NEMF: variants seen among roughly 807,000 people sequenced by gnomAD.
NEMF encodes nuclear export mediator factor.
In NEMF, 89 loss-of-function variants were observed where a neutral mutation model predicts 162.2. That is an observed-to-expected ratio of 0.55 (90% CI 0.46 to 0.65). NEMF has a LOEUF of 0.65. Among genes scored for constraint, NEMF ranks in the 30% least tolerant of loss-of-function variants. The pLI, the probability that NEMF is intolerant of heterozygous loss-of-function variation, is 0.00. For missense variants in NEMF, 1,133 were observed against 1,261.9 expected (o/e 0.90, Z 1.55); for synonymous variants, 421 against 404.5 (o/e 1.04, Z -0.49).
At position 49,833,467 on chromosome 14, in the gene NEMF, T is replaced by C. The variant is rs1892744501; in HGVS notation, c.691A>G (p.Lys231Glu). ...GTTGTTTTCATATAGTCTTCTGCTT[T>C]CTGCAGAGAAACAAGTACTTTTTCA... ...DIEKVLVSLQ[K>E]AEDYMKTTSN... The change falls in exon 8 of 33, where the codon AAA becomes GAA. Residue 231 changes from lysine to glutamate, a missense_variant. Lys to Glu is a moderately conservative substitution (Grantham distance 56). Coordinates refer to ENST00000298310, the MANE Select transcript of NEMF (RefSeq NM_004713.6). 2 of 1,587,050 alleles carry C rather than the reference T, an allele frequency of 1.3e-6. No homozygotes were observed. The highest frequency in any genetic ancestry group is 1.1e-5 in the South Asian group (1 of 87,770).
At chr14:49,838,310 A>T (rs1457246009) in intron 5 of NEMF, 104 bp from the exon 6 acceptor site, 2 of 833,238 alleles carry the variant, frequency 2.4e-6, no homozygotes, top group Non-Finnish European at 3.9e-6. Context: ...TGATCTTTAC[A>T]ATAATCTGAA....
chr14:49,790,991 C>T (rs1890414610), intron 26 of NEMF, among the ~76,000 whole-genome samples: 1 of 151,656 alleles, frequency 6.6e-6, no homozygotes, highest in African/African-American at 2.4e-5. Flanking sequence ...AAAACTCTGT[C>T]TCAAAAAACA....
chr14:49,788,351 G>A (rs1890277800), intron 28 of NEMF, among the ~76,000 whole-genome samples: 1 of 151,138 alleles, frequency 6.6e-6, no homozygotes, highest in Admixed American at 6.6e-5. Flanking sequence ...TGGGCTTGCT[G>A]TACTGTTAAT....
At chr14:49,841,923 T>C (rs1594802878) in intron 4 of NEMF, among the ~76,000 whole-genome samples, 1 of 151,960 alleles carries the variant, frequency 6.6e-6, no homozygotes, top group African/African-American at 2.4e-5. Context: ...CTGACCAACA[T>C]GGAGAAACCC....
chr14:49,785,650 G>A (rs1890136912), intron 29 of NEMF: 1 of 241,100 alleles, frequency 4.1e-6, no homozygotes, highest in African/African-American at 2.3e-5. Context: ...GGAAGGCTCA[G>A]GCTGAGGCGG....
intron 27 of NEMF, 64 bp from the exon 28 acceptor site, chr14:49,789,407 G>T (rs921171672): frequency 2.5e-6 from 4 of 1,608,696 alleles, no homozygotes; most frequent in Non-Finnish European, 3.4e-6. Context: ...ATTTTAACAA[G>T]AATGTATTGA....
At chr14:49,787,623 CT>C (rs1441824364) in intron 28 of NEMF, among the ~76,000 whole-genome samples, 1 of 152,208 alleles carries the variant, frequency 6.6e-6, no homozygotes, top group African/African-American at 2.4e-5. Flanking sequence ...AAGGCCCAAC[CT>C]CTTAATACCA....
chr14:49,808,124 T>C lies in NEMF; in HGVS notation c.1745-1991A>G, dbSNP rs552424663. ...TTTGCAAATATTTTCTCTTATTCTGTGGGTTGTCTTTTTACTTTCTTGATA... is the reference window on the plus strand; with the variant it reads ...TTTGCAAATATTTTCTCTTATTCTGCGGGTTGTCTTTTTACTTTCTTGATA... On this transcript the variant is annotated intron_variant, in intron 18 of 32. Transcript: ENST00000298310. 2.6e-5 allele frequency among the ~76,000 whole-genome samples: 4 copies of C among 152,232 alleles called. No individual in the cohort carries two copies. The South Asian group carries it at 8.3e-4, about 32-fold the overall frequency.
chr14:49,822,757 T>A lies in NEMF; in HGVS notation c.1577+3110A>T, dbSNP rs554028826. Among the ~76,000 whole-genome samples, 3 of 150,312 alleles carry A rather than the reference T, an allele frequency of 2.0e-5. No homozygotes were observed. In the East Asian group the frequency reaches 5.8e-4, roughly 29 times the overall value. The stretch of plus-strand genomic sequence containing the variant: ...TGCAGGGATGAAAAGGATGACAATG[T>A]CTATGTGTGTGATAGATTGTGGAAA... On this transcript the variant is annotated intron_variant, in intron 16 of 32. Transcript: ENST00000298310.
intron 29 of NEMF, chr14:49,786,422 T>C (rs1244649470): frequency 2.9e-6 from 1 of 344,220 alleles, no homozygotes; most frequent in Non-Finnish European, 5.3e-6. Flanking sequence ...TTTGAGTGTT[T>C]GCTATGTGCC....
At chr14:49,798,704 G>A (rs181894845) in intron 25 of NEMF, among the ~76,000 whole-genome samples, 1 of 152,068 alleles carries the variant, frequency 6.6e-6, no homozygotes, top group Non-Finnish European at 1.5e-5. Flanking sequence ...TCAGAAGATC[G>A]AGACTATCCT....
intron 4 of NEMF, chr14:49,844,760 C>CACACAA (rs1893404453): frequency 3.2e-6 from 1 of 315,854 alleles, no homozygotes; most frequent in African/African-American, 2.3e-5. Context: ...CACACACACA[C>CACACAA]ACACATATAT....
intron 3 of NEMF, among the ~76,000 whole-genome samples, chr14:49,848,380 T>C (rs1893613042): frequency 6.6e-6 from 1 of 152,200 alleles, no homozygotes; most frequent in African/African-American, 2.4e-5. Flanking sequence ...CAATACCTAC[T>C]CTTTTAGATT....
Position 49,802,576 on chromosome 14 carries a change from A to G in NEMF, c.1975-3T>C. On this transcript the variant is annotated splice_region_variant and splice_polypyrimidine_tract_variant and intron_variant, in intron 21 of 32. Coordinates refer to ENST00000298310, the MANE Select transcript of NEMF (RefSeq NM_004713.6). ...CTCCAAACACAAGACTCATCTACCT[A>G]AAGAAACAGTTATTTTTCAGTGACG... 3 of 1,613,468 alleles carry G rather than the reference A, an allele frequency of 1.9e-6. No homozygotes were observed. The highest frequency in any genetic ancestry group is 2.5e-6 in the Non-Finnish European group (3 of 1,179,874).
At chr14:49,803,674 C>T (rs1036513586) in intron 19 of NEMF, among the ~76,000 whole-genome samples, 2 of 152,066 alleles carry the variant, frequency 1.3e-5, no homozygotes, top group African/African-American at 4.8e-5. Context: ...TACAGGCACG[C>T]ACCACCATGC....
At position 49,846,211 on chromosome 14, in the gene NEMF, C is replaced by A; in HGVS notation, c.286G>T (p.Asp96Tyr). The change falls in exon 4 of 33, where the codon GAT becomes TAT. Residue 96 changes from aspartate to tyrosine, a missense_variant. Asp to Tyr is a radical substitution (Grantham distance 160, BLOSUM62 -3). This residue lies in a region of NEMF where 582 missense variants were observed against 631.5 expected (regional missense o/e 0.92). Transcript: ENST00000298310. ...RLVSAKQLGV[D>Y]RIVDFQFGSD... ...CCAAATTGAAAATCTACAATTCTAT[C>A]CACACCAAGCTGTTTTGCACTGACT... 6.2e-7 allele frequency: 1 copy of A among 1,613,770 alleles called. No individual in the cohort carries two copies. Among genetic ancestry groups the A allele is most frequent in the Non-Finnish European group, 8.5e-7 (1 of 1,179,734 alleles).
At chr14:49,852,508 TG>T (rs2140044693) in intron 1 of NEMF, among the ~76,000 whole-genome samples, 186 bp downstream of exon 1, 1 of 152,378 alleles carries the variant, frequency 6.6e-6, no homozygotes, top group Non-Finnish European at 1.5e-5. Flanking sequence ...ACGAGGTGCC[TG>T]GGACCCCCAG....
chr14:49,813,662 GGT>G (rs57660068), intron 18 of NEMF, among the ~76,000 whole-genome samples: 436 of 148,662 alleles, frequency 2.9e-3, no homozygotes, highest in Middle Eastern at 7.0e-3. Flanking sequence ...TTTTTTATTA[GGT>G]GTGTGTGTGT....
At chr14:49,790,542 A>G (rs1890391149) in intron 26 of NEMF, among the ~76,000 whole-genome samples, 1 of 152,202 alleles carries the variant, frequency 6.6e-6, no homozygotes, top group Non-Finnish European at 1.5e-5. Flanking sequence ...ATGGGGGACA[A>G]CTGGAACTCT....
Sources: gnomAD v4.1 joint callset for allele counts (sites outside exome capture counted in the v4.1 genomes callset) on GRCh38, gnomAD v4.1.1 for gene constraint, gnomAD v4.1.1 regional missense constraint, MANE v1.5 for transcripts, NCBI Gene and HGNC (gene_info 2026-07-23, HGNC 2026-07-21) for gene names.